DCTN2: variants seen among roughly 807,000 people sequenced by gnomAD.
DCTN2 encodes dynactin subunit 2, also known as 50 kDa dynein-associated polypeptide.
In DCTN2, 18 loss-of-function variants were observed where a neutral mutation model predicts 55.4. The ratio of observed to expected loss-of-function variants is 0.32; its 90% CI spans 0.22 to 0.48. DCTN2 has a LOEUF of 0.48. Among genes scored for constraint, DCTN2 ranks in the 20% least tolerant of loss-of-function variants. The probability of loss-of-function intolerance (pLI) is 0.99; values close to 1 mark genes in which losing one functional copy is unlikely to be tolerated. For synonymous variants in DCTN2, 168 were observed against 185.2 expected (o/e 0.91, Z 0.76); for missense variants, 390 against 491.0 (o/e 0.79, Z 1.94).
In DCTN2 at chr12:57,533,971, C is replaced by T. The variant is rs923598768; in HGVS notation, c.651G>A (p.Lys217=). The T allele has an allele frequency of 6.2e-7, 1 of 1,611,596 alleles. No individual in the cohort carries two copies. Among genetic ancestry groups the T allele is most frequent in the Non-Finnish European group, 8.5e-7 (1 of 1,178,890 alleles). Residue 217 remains lysine (K), a synonymous_variant, in exon 7 of 14, where the codon AAG becomes AAA. Coordinates refer to ENST00000548249, the MANE Select transcript of DCTN2 (RefSeq NM_001261413.2). The part of the protein sequence containing the change: ...YELHSRPEQD[K]FSQAAKVAEL... ...CACTTACTTTGGCAGCTTGAGAGAA[C>T]TTGTCCTGCTCAGGCCGAGAATGTA...
chr12:57,530,760 G>A lies in DCTN2; in HGVS notation c.1135C>T (p.Arg379Cys), dbSNP rs772327011. The stretch of plus-strand genomic sequence containing the variant: ...CCCTCAACTGTGGCCAGGTTTTCAC[G>A]CATGGTTGTCTGCACCTACAAAGTG... Reference protein sequence around the residue: ...TLLTQVQTTMRENLATVEGNF... With the variant: ...TLLTQVQTTMCENLATVEGNF... Residue 379 changes from arginine (R) to cysteine (C), a missense_variant, in exon 14 of 14, where the codon CGT (arginine) becomes TGT (cysteine). Around this residue, in one of 2 missense-constraint regions of DCTN2, gnomAD observed 273 missense variants for 303.2 expected, o/e 0.90. Transcript: ENST00000548249. The A allele has an allele frequency of 2.5e-5, 40 of 1,613,618 alleles. No individual in the cohort carries two copies. Among genetic ancestry groups the A allele is most frequent in the East Asian group, 2.5e-4 (11 of 44,886 alleles).
rs116368427 is a variant in DCTN2 at position 57,547,005 on chromosome 12, G to T, written c.36+23C>A. The T allele has an allele frequency of 2.1e-3, 2,721 of 1,289,902 alleles. 49 individuals are homozygous for T. In the African/African-American group the frequency reaches 0.037, roughly 18 times the overall value. 79.9% of individuals were successfully genotyped at this position (1,289,902 alleles called of 1,614,324 possible). On this transcript the variant is annotated intron_variant, in intron 1 of 13. Transcript: ENST00000548249. ...GAGGTCGGGGGCGCGGTCCTGGGGAGCCGGGGCCGGTCCTGTACTCACAAT... is the reference window on the plus strand; with the variant it reads ...GAGGTCGGGGGCGCGGTCCTGGGGATCCGGGGCCGGTCCTGTACTCACAAT...
intron 2 of DCTN2, chr12:57,541,280 A>G: frequency 6.5e-7 from 1 of 1,534,114 alleles, no homozygotes; most frequent in Non-Finnish European, 8.9e-7. Flanking sequence ...ACGATTAGCT[A>G]CAACAATAGC....
intron 13 of DCTN2, among the ~76,000 whole-genome samples, chr12:57,531,240 G>A (rs541123738): frequency 2.6e-5 from 4 of 152,224 alleles, no homozygotes; most frequent in Admixed American, 2.0e-4. Context: ...TGGGACTTGC[G>A]GCCAGGTGCA....
At chr12:57,536,748 A>G (rs1182346629) in intron 2 of DCTN2, among the ~76,000 whole-genome samples, 1 of 152,132 alleles carries the variant, frequency 6.6e-6, no homozygotes, top group African/African-American at 2.4e-5. Context: ...CATGCTGTTC[A>G]GATTCCAGTG....
intron 2 of DCTN2, chr12:57,538,332 GC>G (rs1175732044): frequency 9.2e-6 from 6 of 651,106 alleles, no homozygotes; most frequent in Admixed American, 2.1e-5. Context: ...ACCTACTCCA[GC>G]AGTGTCTTGA....
At chr12:57,534,177 A>C in intron 6 of DCTN2, 80 bp from the exon 7 acceptor site, 1 of 1,524,716 alleles carries the variant, frequency 6.6e-7, no homozygotes, top group Non-Finnish European at 8.8e-7. Flanking sequence ...CCTCATAATC[A>C]GCATTAAGAA....
At chr12:57,545,143 T>A (rs914113502) in intron 2 of DCTN2, among the ~76,000 whole-genome samples, 3 of 152,216 alleles carry the variant, frequency 2.0e-5, no homozygotes, top group Non-Finnish European at 4.4e-5. Context: ...CATATTGCAA[T>A]GACTCTTGGA....
chr12:57,530,659 T>G lies in DCTN2; in HGVS notation c.*30A>C. On this transcript the variant is annotated 3_prime_UTR_variant, in exon 14 of 14. Transcript: ENST00000548249. ...TTAACAGAGTTCACAGGGGTAGGGA[T>G]AACCCCTGTTCTCCAGCTCCCAAAT... 6.4e-7 allele frequency: 1 copy of G among 1,565,264 alleles called. No homozygotes were observed. Among genetic ancestry groups the G allele is most frequent in the Non-Finnish European group, 8.8e-7 (1 of 1,136,534 alleles).
chr12:57,542,002 C>G (rs555559382), intron 2 of DCTN2, among the ~76,000 whole-genome samples: 1 of 152,326 alleles, frequency 6.6e-6, no homozygotes, highest in South Asian at 2.1e-4. Flanking sequence ...TGGCCAGGCA[C>G]AGTGGCTCAT....
At chr12:57,537,362 G>GAA (rs56278180) in intron 2 of DCTN2, among the ~76,000 whole-genome samples, 140 of 58,136 alleles carry the variant, frequency 2.4e-3, no homozygotes, top group African/African-American at 6.2e-3. Flanking sequence ...AGAGAGAAAA[G>GAA]AAAAAAAAAA....
intron 7 of DCTN2, among the ~76,000 whole-genome samples, 167 bp downstream of exon 7, chr12:57,533,786 A>G (rs1879968598): frequency 7.0e-6 from 1 of 143,690 alleles, no homozygotes; most frequent in Non-Finnish European, 1.6e-5. Flanking sequence ...AAAAAAAAAA[A>G]GAAAGAAACA....
chr12:57,533,284 C>A lies in DCTN2; in HGVS notation c.689G>T (p.Arg230Leu). The A allele has an allele frequency of 6.2e-7, 1 of 1,613,968 alleles. No homozygotes were observed. Among genetic ancestry groups the A allele is most frequent in the Non-Finnish European group, 8.5e-7 (1 of 1,179,884 alleles). Reference protein sequence around the residue: ...QAAKVAELEKRLTELETAVRC... With the variant: ...QAAKVAELEKLLTELETAVRC... Reference sequence around the variant, plus strand: ...TACAGCTGTCTCCAGCTCTGTCAGGCGCTTTTCAAGTTCTGCGACCTAGTG... The same window carrying A: ...TACAGCTGTCTCCAGCTCTGTCAGGAGCTTTTCAAGTTCTGCGACCTAGTG... Residue 230 changes from arginine to leucine, a missense_variant, in exon 8 of 14, where the codon CGC (arginine) becomes CTC (leucine). By Grantham distance (102) the Arg-to-Leu change is moderately radical. Around this residue, in one of 2 missense-constraint regions of DCTN2, gnomAD observed 273 missense variants for 303.2 expected, o/e 0.90. Coordinates refer to ENST00000548249, the MANE Select transcript of DCTN2 (RefSeq NM_001261413.2).
chr12:57,545,688 A>G (rs1199307363), intron 2 of DCTN2, among the ~76,000 whole-genome samples: 1 of 152,222 alleles, frequency 6.6e-6, no homozygotes, highest in Non-Finnish European at 1.5e-5. Context: ...ACAAGTGCCC[A>G]GGCTTCATGA....
chr12:57,545,504 T>C lies in DCTN2; in HGVS notation c.105+524A>G, dbSNP rs184080349. Among the ~76,000 whole-genome samples, 5 of 152,342 alleles carry C rather than the reference T, an allele frequency of 3.3e-5. No homozygotes were observed. The East Asian group carries it at 9.6e-4, about 29-fold the overall frequency. On this transcript the variant is annotated intron_variant, in intron 2 of 13. Coordinates refer to ENST00000548249, the MANE Select transcript of DCTN2 (RefSeq NM_001261413.2). ...TCCTCAGAATTCTCGGATCTAAAAA[T>C]GCAACCACAGTCTCACATCCGCTGA...
intron 2 of DCTN2, chr12:57,541,360 T>C (rs1008133614): frequency 6.3e-7 from 1 of 1,599,100 alleles, no homozygotes; most frequent in Non-Finnish European, 8.5e-7. Flanking sequence ...TTGAATGGTC[T>C]TACTTGTGCA....
intron 6 of DCTN2, 64 bp from the exon 7 acceptor site, chr12:57,534,161 C>G (rs1158767468): frequency 2.2e-5 from 33 of 1,532,384 alleles, no homozygotes; most frequent in Non-Finnish European, 2.8e-5. Flanking sequence ...CTCTCCCTCA[C>G]TTTTGCCTCA....
chr12:57,531,912 A>G (rs780253202), intron 13 of DCTN2, 103 bp downstream of exon 13: 47 of 1,509,628 alleles, frequency 3.1e-5, no homozygotes, highest in Non-Finnish European at 4.0e-5. Flanking sequence ...CCCCTGCCAC[A>G]ACACCATGCT....
intron 1 of DCTN2, 63 bp downstream of exon 1, chr12:57,546,965 G>T: frequency 1.6e-6 from 2 of 1,229,498 alleles, no homozygotes; most frequent in South Asian, 3.8e-5. Flanking sequence ...GCTGGTTTCT[G>T]CTGGGGGTCC....
Sources: allele counts gnomAD v4.1 joint callset (sites outside exome capture counted in the v4.1 genomes callset), GRCh38; gene constraint gnomAD v4.1.1; regional missense constraint gnomAD v4.1.1; transcripts MANE v1.5; gene names NCBI Gene and HGNC (gene_info 2026-07-23, HGNC 2026-07-21).